NDST4: variants seen among roughly 807,000 people sequenced by gnomAD.
The protein encoded by NDST4 is N-heparan sulfate sulfotransferase 4.
In NDST4, 63 loss-of-function variants were observed where a neutral mutation model predicts 100.8. The ratio of observed to expected loss-of-function variants is 0.62; its 90% CI spans 0.51 to 0.77. The LOEUF is 0.77. NDST4 is among the 30% of genes least tolerant of loss of function. The probability of loss-of-function intolerance (pLI) is 0.00; values close to 1 mark genes in which losing one functional copy is unlikely to be tolerated. For missense variants in NDST4, 943 were observed against 1,018.4 expected (o/e 0.93, Z 1.01); for synonymous variants, 377 against 361.8 (o/e 1.04, Z -0.48).
At chr4:114,856,113 A>T (rs926322998) in intron 7 of NDST4, among the ~76,000 whole-genome samples, 3 of 150,996 alleles carry the variant, frequency 2.0e-5, no homozygotes, top group Admixed American at 2.0e-4. Context: ...CCCAGGCTGG[A>T]GTGCAGTGGT....
intron 1 of NDST4, among the ~76,000 whole-genome samples, chr4:115,083,853 G>A (rs376190719): frequency 3.9e-4 from 59 of 152,252 alleles, no homozygotes; most frequent in Middle Eastern, 3.4e-3. Flanking sequence ...GAGGAACTGC[G>A]AGTCAATTAA....
intron 2 of NDST4, among the ~76,000 whole-genome samples, chr4:115,066,614 CTT>C (rs1469215861): frequency 6.6e-6 from 1 of 152,170 alleles, no homozygotes; most frequent in African/African-American, 2.4e-5. Flanking sequence ...CAGTGATACT[CTT>C]TGTTTACATG....
At position 114,988,232 on chromosome 4, in the gene NDST4, C is replaced by A. The variant is rs115308968; in HGVS notation, c.979-10958G>T. ...ACAACTATTAAGTTAATGAAAACAA[C>A]TTTTAAGTTGTTAATGAAATGTGGA... On this transcript the variant is annotated intron_variant, in intron 2 of 13. Coordinates refer to ENST00000264363, the MANE Select transcript of NDST4 (RefSeq NM_022569.3). Among the ~76,000 whole-genome samples, 1,151 of 151,098 alleles carry A rather than the reference C, an allele frequency of 7.6e-3. 9 individuals carry two copies. The highest frequency in any genetic ancestry group is 0.025 in the African/African-American group (1,011 of 41,218).
chr4:114,913,294 T>G (rs1366064558), intron 6 of NDST4, among the ~76,000 whole-genome samples: 2 of 152,054 alleles, frequency 1.3e-5, no homozygotes, highest in South Asian at 4.1e-4. Flanking sequence ...GGTTTTTGAT[T>G]GTAAGCTATC....
At chr4:114,935,161 T>A in intron 6 of NDST4, 45 bp downstream of exon 6, 2 of 1,372,262 alleles carry the variant, frequency 1.5e-6, no homozygotes, top group Middle Eastern at 1.9e-4. Flanking sequence ...AAAACACATT[T>A]AAAAATGCTA....
chr4:115,033,209 A>G (rs1052686602), intron 2 of NDST4, among the ~76,000 whole-genome samples: 2 of 145,436 alleles, frequency 1.4e-5, no homozygotes, highest in African/African-American at 2.5e-5. Context: ...GCTGGAGTGC[A>G]GAAGTGTGAT....
At chr4:114,839,297 A>G in intron 11 of NDST4, 81 bp downstream of exon 11, 1 of 1,332,686 alleles carries the variant, frequency 7.5e-7, no homozygotes, top group Non-Finnish European at 1.0e-6. Context: ...GAAGAAAGTA[A>G]TTTCAGGACA....
At chr4:114,919,175 T>G (rs1028506084) in intron 6 of NDST4, among the ~76,000 whole-genome samples, 1 of 152,192 alleles carries the variant, frequency 6.6e-6, no homozygotes, top group Non-Finnish European at 1.5e-5. Flanking sequence ...TCAAATCAAT[T>G]TCTATGCCAT....
At chr4:114,850,603 A>G (rs1201880538) in intron 8 of NDST4, among the ~76,000 whole-genome samples, 1 of 152,132 alleles carries the variant, frequency 6.6e-6, no homozygotes, top group Non-Finnish European at 1.5e-5. Flanking sequence ...TATTTCATGG[A>G]AGAAGAGGAA....
At chr4:115,037,926 C>T (rs1728267768) in intron 2 of NDST4, among the ~76,000 whole-genome samples, 1 of 152,056 alleles carries the variant, frequency 6.6e-6, no homozygotes, top group Admixed American at 6.6e-5. Context: ...AAATAACAAA[C>T]TTTAAGGTAA....
intron 11 of NDST4, among the ~76,000 whole-genome samples, chr4:114,837,752 A>G (rs1723334379): frequency 6.6e-6 from 1 of 152,236 alleles, no homozygotes; most frequent in Non-Finnish European, 1.5e-5. Context: ...AATACCATTC[A>G]GGACATAGGC....
chr4:115,070,965 C>T (rs979534274), intron 2 of NDST4, among the ~76,000 whole-genome samples: 1 of 151,594 alleles, frequency 6.6e-6, no homozygotes, highest in African/African-American at 2.4e-5. Context: ...ATTAGCCAGG[C>T]GTGGTGGTGT....
At chr4:115,090,677 A>C (rs1396602799) in intron 1 of NDST4, among the ~76,000 whole-genome samples, 1 of 151,966 alleles carries the variant, frequency 6.6e-6, no homozygotes, top group Non-Finnish European at 1.5e-5. Flanking sequence ...AACTTTTTCA[A>C]CACTAGAGGG....
At chr4:114,889,864 G>A (rs991131447) in intron 6 of NDST4, among the ~76,000 whole-genome samples, 1 of 152,052 alleles carries the variant, frequency 6.6e-6, no homozygotes, top group Non-Finnish European at 1.5e-5. Context: ...GTAAACTGGG[G>A]AAAATGATAC....
intron 7 of NDST4, among the ~76,000 whole-genome samples, chr4:114,866,321 C>T (rs1724025070): frequency 6.6e-6 from 1 of 152,182 alleles, no homozygotes; most frequent in South Asian, 2.1e-4. Context: ...GTAAAGGCTT[C>T]TGGTGTACTC....
At chr4:114,986,826 A>ATTTTTT (rs1438396923) in intron 2 of NDST4, among the ~76,000 whole-genome samples, 4 of 117,338 alleles carry the variant, frequency 3.4e-5, no homozygotes, top group Non-Finnish European at 5.2e-5. Flanking sequence ...ATATATATAT[A>ATTTTTT]TATATATTTT....
chr4:115,072,529 A>G (rs750847264), intron 2 of NDST4, among the ~76,000 whole-genome samples: 12 of 152,064 alleles, frequency 7.9e-5, no homozygotes, highest in Non-Finnish European at 1.5e-4. Context: ...ACAGAAATAA[A>G]TTCTTGCATT....
chr4:115,049,962 T>C (rs1728549274), intron 2 of NDST4, among the ~76,000 whole-genome samples: 1 of 152,148 alleles, frequency 6.6e-6, no homozygotes, highest in Non-Finnish European at 1.5e-5. Flanking sequence ...CTAGCAATAT[T>C]AATGAGAGGG....
chr4:115,030,710 A>G (rs1728096518), intron 2 of NDST4, among the ~76,000 whole-genome samples: 1 of 152,148 alleles, frequency 6.6e-6, no homozygotes, highest in African/African-American at 2.4e-5. Flanking sequence ...GAGAGATAGG[A>G]AAAACAAATT....
Sources: allele counts gnomAD v4.1 joint callset (sites outside exome capture counted in the v4.1 genomes callset), GRCh38; gene constraint gnomAD v4.1.1; transcripts MANE v1.5; gene names NCBI Gene and HGNC (gene_info 2026-07-23, HGNC 2026-07-21).